Variants in FLNA observed in about 807,000 individuals in gnomAD.
FLNA encodes filamin A, also known as filamin-A.
Under a neutral mutation model 157.6 loss-of-function variants are expected in FLNA, and 7 were observed. That is an observed-to-expected ratio of 0.04 (90% CI 0.03 to 0.08). The LOEUF (loss-of-function observed/expected upper bound fraction) is 0.08, where lower values mean the gene tolerates loss of function less well. FLNA is among the 10% of genes least tolerant of loss of function. The probability of loss-of-function intolerance (pLI) is 1.00; values close to 1 mark genes in which losing one functional copy is unlikely to be tolerated. For missense variants in FLNA, 1,750 were observed against 2,398.4 expected, an observed-to-expected ratio of 0.73 and a Z score of 5.65; for synonymous variants, 1,103 against 1,060.8, an observed-to-expected ratio of 1.04 and a Z score of -0.77.
rs1557179199 is a variant in FLNA at position 154,366,148 on chromosome X, C to T, written c.1305G>A (p.Glu435=). ...AGCGGTATGTGCTGTCGCCCCGGGC[C>T]TCCAGCTGAGGCTCTACCGTGCCCT... ...GQKGTVEPQL[E]ARGDSTYRCS... Residue 435 remains glutamate (E), a synonymous_variant, in exon 9 of 48, where the codon GAG becomes GAA. Coordinates refer to ENST00000369850, the MANE Select transcript of FLNA (RefSeq NM_001110556.2). 1 of 1,210,857 alleles carries T rather than the reference C, an allele frequency of 8.3e-7. No homozygotes were observed. The highest frequency in any genetic ancestry group is 1.1e-6 in the Non-Finnish European group (1 of 895,426).
At position 154,354,807 on chromosome X, in the gene FLNA, C is replaced by G; in HGVS notation, c.5217+18G>C. On this transcript the variant is annotated intron_variant, in intron 31 of 47. Coordinates refer to ENST00000369850, the MANE Select transcript of FLNA (RefSeq NM_001110556.2). ...CCTGCCAGACACCCCTGCTGACCTA[C>G]CCCCCACCCCTCCTCACCGTCACTT... 1.7e-6 allele frequency: 2 copies of G among 1,210,848 alleles called. No homozygotes were observed. The highest frequency in any genetic ancestry group is 2.2e-6 in the Non-Finnish European group (2 of 895,003).
intron 5 of FLNA, 117 bp downstream of exon 5, chrX:154,367,280 T>C (rs968465620): frequency 2.5e-6 from 2 of 814,952 alleles, no homozygotes; most frequent in Non-Finnish European, 3.5e-6. Flanking sequence ...CTTGGGTGGC[T>C]TGATCACCTA....
At position 154,362,446 on chromosome X, in the gene FLNA, T is replaced by C. The variant is rs782293882; in HGVS notation, c.2537A>G (p.Tyr846Cys). 5 of 1,211,689 alleles carry C rather than the reference T, an allele frequency of 4.1e-6. No individual in the cohort carries two copies. The highest frequency in any genetic ancestry group is 5.6e-6 in the Non-Finnish European group (5 of 895,371). ...GTCAGCAAAGAGGACCATAATGGTG[T>C]AGCTGCCAGCCCCCCGGGGCGTGTA... ...VKYTPRGAGS[Y>C]TIMVLFADQA... Residue 846 changes from tyrosine (Y) to cysteine (C), a missense_variant, in exon 17 of 48, where the codon TAC (tyrosine) becomes TGC (cysteine). Coordinates refer to ENST00000369850, the MANE Select transcript of FLNA (RefSeq NM_001110556.2).
In FLNA at chrX:154,366,607, G is replaced by A; in HGVS notation, c.1020C>T (p.Arg340=). The stretch of plus-strand genomic sequence containing the variant: ...CGGGGACGTACCAGACGGAGAAGGT[G>A]CGGTTCTTGTCGTTATTGGCGGTCA... ...AKVTANNDKN[R]TFSVWYVPEV... The change falls in exon 7 of 48, where the codon CGC becomes CGT. Residue 340 remains arginine, a synonymous_variant. Transcript: ENST00000369850. The A allele has an allele frequency of 8.3e-7, 1 of 1,212,104 alleles. No homozygotes were observed. The highest frequency in any genetic ancestry group is 1.1e-6 in the Non-Finnish European group (1 of 895,437).
At chrX:154,362,893 A>G (rs1032150553) in intron 15 of FLNA, 109 bp from the exon 16 acceptor site, 13 of 883,474 alleles carry the variant, frequency 1.5e-5, no homozygotes, top group Non-Finnish European at 2.0e-5. Context: ...CCTTGGGAAG[A>G]GTCTGGCAGT....
chrX:154,366,787 G>A lies in FLNA; in HGVS notation c.932C>T (p.Ala311Val). 8.3e-7 allele frequency: 1 copy of A among 1,211,660 alleles called. No homozygotes were observed. Among genetic ancestry groups the A allele is most frequent in the Non-Finnish European group, 1.1e-6 (1 of 895,293 alleles). The stretch of plus-strand genomic sequence containing the variant: ...GTACACCAGCACCTCTCCCTGGCCA[G>A]CACTTCTGGTCTCCACAGTGAACTC... ...RAEFTVETRS[A>V]GQGEVLVYVE... Residue 311 changes from alanine to valine, a missense_variant, in exon 6 of 48, where the codon GCT becomes GTT. Transcript: ENST00000369850.
chrX:154,371,381 T>A lies in FLNA; in HGVS notation c.-116-20A>T. ...GTTGCGCTGCGGAGAGAGCGAGCCCTTTAAATGCGGGAGGAGGGCGGGGCC... is the reference window on the plus strand; with the variant it reads ...GTTGCGCTGCGGAGAGAGCGAGCCCATTAAATGCGGGAGGAGGGCGGGGCC... On this transcript the variant is annotated intron_variant, in intron 1 of 47. Transcript: ENST00000369850. The A allele has an allele frequency of 1.2e-6, 1 of 833,654 alleles. No individual in the cohort carries two copies. Among genetic ancestry groups the A allele is most frequent in the Non-Finnish European group, 1.7e-6 (1 of 602,029 alleles). The allele number at this position is 833,654 out of a possible 1,213,427, so 68.7% of individuals were successfully genotyped here.
rs781821868 is a variant in FLNA, at chrX:154,362,591, G to C, written c.2405-13C>G. On this transcript the variant is annotated splice_polypyrimidine_tract_variant and intron_variant, in intron 16 of 47. Transcript: ENST00000369850. ...ATGCTGACGTCCCCTGCGGCGGGGA[G>C]AGGAGCGGAGGCTGAGACCTCGCAG... is the stretch of plus-strand genomic sequence containing the variant. The C allele has an allele frequency of 8.3e-7, 1 of 1,210,897 alleles. No homozygotes were observed. Among genetic ancestry groups the C allele is most frequent in the Non-Finnish European group, 1.1e-6 (1 of 895,234 alleles).
At position 154,365,572 on chromosome X, in the gene FLNA, G is replaced by A; in HGVS notation, c.1430-86C>T. The A allele has an allele frequency of 4.6e-6, 5 of 1,077,751 alleles. No individual in the cohort carries two copies. The South Asian group carries it at 7.7e-5, about 17-fold the overall frequency. 88.8% of individuals were successfully genotyped at this position (1,077,751 alleles called of 1,213,427 possible). A position where few individuals can be genotyped will look rare whatever the true frequency, so the allele number is the denominator to read the frequency against. ...CCCACAGGGCCGGGCTGTCAGGATTGGTGGGTCCCTCAGAGCTTGGCTGGA... is the reference window on the plus strand; with the variant it reads ...CCCACAGGGCCGGGCTGTCAGGATTAGTGGGTCCCTCAGAGCTTGGCTGGA... On this transcript the variant is annotated intron_variant, in intron 9 of 47. Coordinates refer to ENST00000369850, the MANE Select transcript of FLNA (RefSeq NM_001110556.2).
chrX:154,351,708 A>C lies in FLNA; in HGVS notation c.6908-12T>G, dbSNP rs1382691621. The C allele has an allele frequency of 8.7e-7, 1 of 1,147,920 alleles. No individual in the cohort carries two copies. The highest frequency in any genetic ancestry group is 1.8e-5 in the African/African-American group (1 of 56,185). The allele number at this position is 1,147,920 out of a possible 1,213,427, so 94.6% of individuals were successfully genotyped here. The stretch of plus-strand genomic sequence containing the variant: ...GACTTCGTAGTCACCTGGGCAGGGA[A>C]AGAGTGTAAGACCGGCTCATCAGCC... On this transcript the variant is annotated splice_polypyrimidine_tract_variant and intron_variant, in intron 42 of 47. Coordinates refer to ENST00000369850, the MANE Select transcript of FLNA (RefSeq NM_001110556.2).
intron 27 of FLNA, 35 bp from the exon 28 acceptor site, chrX:154,358,390 GT>G: frequency 8.3e-7 from 1 of 1,211,245 alleles, no homozygotes. Context: ...AGTCAGACAG[GT>G]TCTCAGCATC....
At chrX:154,351,788 AAG>A in intron 42 of FLNA, 92 bp from the exon 43 acceptor site, 1 of 1,152,141 alleles carries the variant, frequency 8.7e-7, no homozygotes, top group Non-Finnish European at 1.2e-6. Context: ...CCTCAAAGTG[AAG>A]AGTGAGTGCC....
Position 154,367,695 on chromosome X carries a change from A to T in FLNA, c.666T>A (p.Val222=), listed in dbSNP as rs1557179594. ...DWDSWDASKP[V]TNAREAMQQA... is the part of the protein sequence containing the mutation. ...GCTGCATGGCCTCTCGCGCATTGGT[A>T]ACGGGCTTGCTGGCGTCCCAAGAGT... is the stretch of plus-strand genomic sequence containing the variant. Residue 222 remains valine (V), a synonymous_variant, in exon 4 of 48, where the codon GTT becomes GTA. Transcript: ENST00000369850. 5 of 1,209,717 alleles carry T rather than the reference A, an allele frequency of 4.1e-6. No homozygotes were observed. The highest frequency in any genetic ancestry group is 1.7e-5 in the African/African-American group (1 of 57,303).
Position 154,353,139 on chromosome X carries a change from C to T in FLNA, c.6088G>A (p.Val2030Met), listed in dbSNP as rs781920955. The T allele has an allele frequency of 1.1e-5, 13 of 1,209,902 alleles. No homozygotes were observed. The highest frequency in any genetic ancestry group is 1.8e-5 in the South Asian group (1 of 56,894). ...ACCACCGGGATGGGGCTGCTGGCCA[C>T]GTGCTGGCCATTTTTCTTCACATGC... ...LVHVKKNGQH[V>M]ASSPIPVVIS... Residue 2030 changes from valine to methionine, a missense_variant, in exon 38 of 48, where the codon GTG becomes ATG. Physicochemically the swap from Val to Met is conservative, Grantham distance 21. Transcript: ENST00000369850.
In FLNA at chrX:154,364,083, G is replaced by A. The variant is rs782278974; in HGVS notation, c.2219C>T (p.Pro740Leu). The change falls in exon 15 of 48, where the codon CCG becomes CTG. Residue 740 changes from proline (P) to leucine (L), a missense_variant. Physicochemically the swap from Pro to Leu is moderately conservative, Grantham distance 98 (BLOSUM62 -3). Coordinates refer to ENST00000369850, the MANE Select transcript of FLNA (RefSeq NM_001110556.2). ...TYSCSYVPRK[P>L]VKHTAMVSWG... ...GGACACCATGGCTGTGTGCTTCACC[G>A]GCTTCCTGGGCACGTAGGAGCAGCT... is the stretch of plus-strand genomic sequence containing the variant. The A allele has an allele frequency of 8.3e-6, 10 of 1,209,388 alleles. No individual in the cohort carries two copies. The highest frequency in any genetic ancestry group is 5.2e-5 in the African/African-American group (3 of 57,262).
rs1557176607 is a variant in FLNA, at chrX:154,354,892, G to A, written c.5150C>T (p.Pro1717Leu). The A allele has an allele frequency of 6.6e-6, 8 of 1,212,018 alleles. No individual in the cohort carries two copies. The highest frequency in any genetic ancestry group is 7.8e-6 in the Non-Finnish European group (7 of 895,598). Residue 1717 changes from proline to leucine, a missense_variant, in exon 31 of 48, where the codon CCG (proline) becomes CTG (leucine). This residue lies in a region of FLNA where 970 missense variants were observed against 1,302.6 expected (regional missense o/e 0.74). Coordinates refer to ENST00000369850, the MANE Select transcript of FLNA (RefSeq NM_001110556.2). ...GCGCACACAGATGACGTATTTGCCC[G>A]GCTGGGGGGCCGTGTAGAAGATGTC... The part of the protein sequence containing the change: ...TFDIFYTAPQ[P>L]GKYVICVRFG...
In FLNA at chrX:154,366,398, C is replaced by T. The variant is rs782090266; in HGVS notation, c.1138G>A (p.Asp380Asn). ...CCTTGGGCTGTCACTTTGCTGGCGT[C>T]ACCCTGTGACTTATCCACGTACACC... ...FEVYVDKSQG[D>N]ASKVTAQGPG... Residue 380 changes from aspartate (D) to asparagine (N), a missense_variant, in exon 8 of 48, where the codon GAC becomes AAC. By Grantham distance (23) the Asp-to-Asn change is conservative. Transcript: ENST00000369850. 17 of 1,212,052 alleles carry T rather than the reference C, an allele frequency of 1.4e-5. No homozygotes were observed. The highest frequency in any genetic ancestry group is 1.9e-5 in the Non-Finnish European group (17 of 895,463).
chrX:154,365,331 G>C lies in FLNA; in HGVS notation c.1567+18C>G, dbSNP rs782112668. On this transcript the variant is annotated intron_variant, in intron 10 of 47. Coordinates refer to ENST00000369850, the MANE Select transcript of FLNA (RefSeq NM_001110556.2). ...GGGCTGCCGCCACCCATCCTGGCCTGGCTCCAGGCCAACTTACTGGGGCCC... is the reference window on the plus strand; with the variant it reads ...GGGCTGCCGCCACCCATCCTGGCCTCGCTCCAGGCCAACTTACTGGGGCCC... The C allele has an allele frequency of 2.8e-5, 34 of 1,210,730 alleles. No individual in the cohort carries two copies. Among genetic ancestry groups the C allele is most frequent in the Non-Finnish European group, 3.1e-5 (28 of 895,326 alleles).
rs143311779 is a variant in FLNA at position 154,366,857 on chromosome X, G to A, written c.869-7C>T. 2.0e-3 allele frequency: 2,374 copies of A among 1,192,833 alleles called. 26 individuals are homozygous for A. In the African/African-American group the frequency reaches 0.037, roughly 18 times the overall value. On this transcript the variant is annotated splice_region_variant and splice_polypyrimidine_tract_variant and intron_variant, in intron 5 of 47. Transcript: ENST00000369850. ...TTGCCTGTGGGCTCGATGCCTGGCAGGGGAAGGCGAGCCAACCACGGGCCA... is the reference window on the plus strand; with the variant it reads ...TTGCCTGTGGGCTCGATGCCTGGCAAGGGAAGGCGAGCCAACCACGGGCCA...
Sources: allele counts gnomAD v4.1 joint callset, GRCh38; gene constraint gnomAD v4.1.1; regional missense constraint gnomAD v4.1.1; transcripts MANE v1.5; gene names NCBI Gene and HGNC (gene_info 2026-07-23, HGNC 2026-07-21).